Variants in PITPNC1 observed in about 807,000 individuals in gnomAD.
PITPNC1 encodes cytoplasmic phosphatidylinositol transfer protein 1.
PITPNC1 carries 18 observed loss-of-function variants against 44.7 expected under a neutral mutation model. The observed-to-expected ratio is 0.40, with a 90% confidence interval of 0.28 to 0.60. The LOEUF (loss-of-function observed/expected upper bound fraction) is 0.60. PITPNC1 is among the 20% of genes least tolerant of loss of function. The pLI is 0.39. For missense variants in PITPNC1, 290 were observed against 418.4 expected, an observed-to-expected ratio of 0.69 and a Z score of 2.68; for synonymous variants, 141 against 149.6, an observed-to-expected ratio of 0.94 and a Z score of 0.42.
chr17:67,390,970 C>T lies in PITPNC1; in HGVS notation c.48+12768C>T, dbSNP rs142087859. Reference sequence around the variant, plus strand: ...TGACAAAGGGGACTCTCTTAAAACTCCTCATCGGACGTTAGTGGAAGTCGA... The same window carrying T: ...TGACAAAGGGGACTCTCTTAAAACTTCTCATCGGACGTTAGTGGAAGTCGA... On this transcript the variant is annotated intron_variant, in intron 1 of 8. Coordinates refer to ENST00000581322, the MANE Select transcript of PITPNC1 (RefSeq NM_012417.4). Among the ~76,000 whole-genome samples, 200 of 152,260 alleles carry T rather than the reference C, an allele frequency of 1.3e-3. 1 individual carries two copies. Among genetic ancestry groups the T allele is most frequent in the African/African-American group, 4.6e-3 (191 of 41,548 alleles).
intron 1 of PITPNC1, among the ~76,000 whole-genome samples, chr17:67,395,204 G>A (rs1030035441): frequency 1.3e-5 from 2 of 149,164 alleles, no homozygotes; most frequent in African/African-American, 5.0e-5. Context: ...GTCCCACTCT[G>A]TTGCCCAGGC....
intron 1 of PITPNC1, among the ~76,000 whole-genome samples, chr17:67,526,962 C>T (rs1028906081): frequency 5.9e-5 from 9 of 152,232 alleles, no homozygotes; most frequent in African/African-American, 2.2e-4. Flanking sequence ...TGATAACTCA[C>T]GGAGGTTCAG....
chr17:67,696,165 G>A lies in PITPNC1; in HGVS notation c.*3277G>A, dbSNP rs1158609367. 1 of 152,120 alleles carries A rather than the reference G, an allele frequency of 6.6e-6. No homozygotes were observed. Among genetic ancestry groups the A allele is most frequent in the African/African-American group, 2.4e-5 (1 of 41,418 alleles). 9.4% of individuals were successfully genotyped at this position (152,120 alleles called of 1,614,324 possible). A position where few individuals can be genotyped will look rare whatever the true frequency, so the allele number is the denominator to read the frequency against. On this transcript the variant is annotated 3_prime_UTR_variant, in exon 9 of 9. Coordinates refer to ENST00000581322, the MANE Select transcript of PITPNC1 (RefSeq NM_012417.4). Reference sequence around the variant, plus strand: ...GGTCCTGAAAATAAATCTCTAAGTAGCACAGTTGTGGGTATATTATGCAGA... The same window carrying A: ...GGTCCTGAAAATAAATCTCTAAGTAACACAGTTGTGGGTATATTATGCAGA...
At chr17:67,680,270 C>G (rs1197306042) in intron 8 of PITPNC1, among the ~76,000 whole-genome samples, 2 of 152,104 alleles carry the variant, frequency 1.3e-5, no homozygotes, top group East Asian at 3.9e-4. Flanking sequence ...CTTCCCCTGC[C>G]TACTCCCTGC....
intron 6 of PITPNC1, among the ~76,000 whole-genome samples, chr17:67,658,716 C>T (rs1366165766): frequency 1.3e-5 from 2 of 152,104 alleles, no homozygotes; most frequent in Admixed American, 1.3e-4. Context: ...TGGGTTGTCT[C>T]CTACATCTCT....
At chr17:67,446,684 CA>C (rs896272531) in intron 1 of PITPNC1, among the ~76,000 whole-genome samples, 1 of 151,830 alleles carries the variant, frequency 6.6e-6, no homozygotes, top group Non-Finnish European at 1.5e-5. Flanking sequence ...CCCAAGTCCC[CA>C]GCAGAATAAG....
intron 1 of PITPNC1, chr17:67,457,243 C>T (rs148463546): frequency 0.011 from 1,668 of 152,392 alleles, 25 homozygotes; most frequent in Non-Finnish European, 0.017. Context: ...CCTCCCTCCT[C>T]AGCCTCTGAA....
intron 4 of PITPNC1, among the ~76,000 whole-genome samples, chr17:67,554,881 G>A (rs766234691): frequency 1.3e-5 from 2 of 152,114 alleles, no homozygotes; most frequent in South Asian, 2.1e-4. Context: ...ACTGGTCCTC[G>A]ACTATGTTCT....
At chr17:67,379,623 G>A (rs2037927833) in intron 1 of PITPNC1, among the ~76,000 whole-genome samples, 1 of 152,204 alleles carries the variant, frequency 6.6e-6, no homozygotes, top group Non-Finnish European at 1.5e-5. Flanking sequence ...AAGTGGAGAA[G>A]CAGGACATAG....
chr17:67,513,407 A>ATAT (rs2040215867), intron 1 of PITPNC1, among the ~76,000 whole-genome samples: 1 of 139,408 alleles, frequency 7.2e-6, no homozygotes, highest in African/African-American at 2.6e-5. Context: ...ATCTATATCT[A>ATAT]CATCTACATA....
chr17:67,599,015 TA>T (rs2041498376), intron 5 of PITPNC1, among the ~76,000 whole-genome samples: 2 of 36,374 alleles, frequency 5.5e-5, no homozygotes, highest in South Asian at 1.1e-3. Context: ...TATATATATA[TA>T]TATATATATA....
At chr17:67,427,551 C>A (rs1340180018) in intron 1 of PITPNC1, among the ~76,000 whole-genome samples, 1 of 152,108 alleles carries the variant, frequency 6.6e-6, no homozygotes, top group Non-Finnish European at 1.5e-5. Context: ...ACTCCTCGGA[C>A]TCCTCACAAG....
At chr17:67,459,903 G>A (rs1325817018) in intron 1 of PITPNC1, 1 of 152,128 alleles carries the variant, frequency 6.6e-6, no homozygotes, top group African/African-American at 2.4e-5. Flanking sequence ...TTTACAAATG[G>A]AACCAGCAGC....
At chr17:67,511,675 A>G (rs2040186847) in intron 1 of PITPNC1, among the ~76,000 whole-genome samples, 1 of 151,938 alleles carries the variant, frequency 6.6e-6, no homozygotes. Flanking sequence ...CGCCCAGCTA[A>G]TTTTTGTATT....
chr17:67,493,100 C>T (rs966814080), intron 1 of PITPNC1, among the ~76,000 whole-genome samples: 1 of 152,182 alleles, frequency 6.6e-6, no homozygotes, highest in African/African-American at 2.4e-5. Context: ...ACACCCCATC[C>T]GATTTGGAAT....
chr17:67,632,339 C>T (rs1390158244), intron 6 of PITPNC1, 101 bp downstream of exon 6: 7 of 731,566 alleles, frequency 9.6e-6, no homozygotes, highest in African/African-American at 5.3e-5. Flanking sequence ...CATCTCTCGT[C>T]GTGTGGATTC....
intron 1 of PITPNC1, among the ~76,000 whole-genome samples, chr17:67,448,579 C>G (rs1000810280): frequency 6.6e-6 from 1 of 152,184 alleles, no homozygotes; most frequent in African/African-American, 2.4e-5. Flanking sequence ...CTCCGTTTCT[C>G]CGCTCCACTG....
chr17:67,445,061 C>T (rs1269774723), intron 1 of PITPNC1, among the ~76,000 whole-genome samples: 2 of 151,598 alleles, frequency 1.3e-5, no homozygotes, highest in Admixed American at 6.6e-5. Flanking sequence ...AGGGAGGTAA[C>T]AGATGATTTT....
At chr17:67,611,146 A>T (rs2041682634) in intron 5 of PITPNC1, 1 of 152,324 alleles carries the variant, frequency 6.6e-6, no homozygotes, top group Admixed American at 6.5e-5. Context: ...TTAAGCTTCT[A>T]TTAATGTATG....
Sources: allele counts gnomAD v4.1 joint callset (sites outside exome capture counted in the v4.1 genomes callset), GRCh38; gene constraint gnomAD v4.1.1; transcripts MANE v1.5; gene names NCBI Gene and HGNC (gene_info 2026-07-23, HGNC 2026-07-21).